The following UBE2K variants were observed in gnomAD, a reference collection of about 807,000 sequenced individuals.
UBE2K encodes the protein ubiquitin conjugating enzyme E2 K.
A neutral mutation model predicts 30.0 loss-of-function variants in UBE2K; 6 were observed. The ratio of observed to expected loss-of-function variants is 0.20; its 90% confidence interval spans 0.11 to 0.39. The LOEUF is 0.39. Among genes scored for constraint, UBE2K ranks in the 10% least tolerant of loss-of-function variants. The probability of loss-of-function intolerance (pLI) is 1.00; values close to 1 mark genes in which losing one functional copy is unlikely to be tolerated. For missense variants in UBE2K, 61 were observed against 241.6 expected (o/e 0.25, Z 4.96); for synonymous variants, 86 against 83.7 (o/e 1.03, Z -0.15).
chr4:39,719,712 T>A (rs996855175), intron 1 of UBE2K, among the ~76,000 whole-genome samples: 13 of 152,186 alleles, frequency 8.5e-5, no homozygotes, highest in African/African-American at 2.9e-4. Context: ...CATACCCAAT[T>A]TTGGGTTGTC....
At chr4:39,768,817 G>C (rs1302910622) in intron 4 of UBE2K, among the ~76,000 whole-genome samples, 3 of 152,058 alleles carry the variant, frequency 2.0e-5, no homozygotes, top group Non-Finnish European at 4.4e-5. Flanking sequence ...TTTTATAGTA[G>C]CCGTTCTAAC....
rs1219669247 is a variant in UBE2K, at chr4:39,770,853, T to G, written c.300-3981T>G. 4 of 1,541,838 alleles carry G rather than the reference T, an allele frequency of 2.6e-6. No homozygotes were observed. The East Asian group carries it at 9.0e-5, about 35-fold the overall frequency. ...TACGTCCTCATCCTCATCCTCTTCC[T>G]CGGCTTTCAGCTCCAAGTCCTCATC... On this transcript the variant is annotated intron_variant, in intron 4 of 6. Coordinates refer to ENST00000261427, the MANE Select transcript of UBE2K (RefSeq NM_005339.5).
At chr4:39,770,225 C>T (rs1267936552) in intron 4 of UBE2K, 5 of 1,611,450 alleles carry the variant, frequency 3.1e-6, no homozygotes, top group Non-Finnish European at 4.2e-6. Flanking sequence ...GGTAGGGCTG[C>T]GCTCCCGAGT....
intron 1 of UBE2K, among the ~76,000 whole-genome samples, chr4:39,700,746 A>G (rs1047386663): frequency 1.3e-5 from 2 of 152,176 alleles, no homozygotes; most frequent in Admixed American, 6.5e-5. Flanking sequence ...TGTGTTTACT[A>G]AGAACACTGG....
intron 2 of UBE2K, among the ~76,000 whole-genome samples, chr4:39,743,465 G>A (rs999099042): frequency 3.3e-4 from 50 of 152,062 alleles, no homozygotes; most frequent in African/African-American, 1.1e-3. Context: ...TTAGTCGGGC[G>A]TGGTGACGGG....
intron 4 of UBE2K, among the ~76,000 whole-genome samples, chr4:39,764,382 G>T (rs1270623711): frequency 1.3e-5 from 2 of 149,556 alleles, no homozygotes; most frequent in African/African-American, 2.4e-5. Flanking sequence ...TGCAGCTCTA[G>T]ATTTTTTTTC....
At chr4:39,763,750 A>G (rs1712128985) in intron 4 of UBE2K, among the ~76,000 whole-genome samples, 1 of 152,096 alleles carries the variant, frequency 6.6e-6, no homozygotes, top group Admixed American at 6.6e-5. Context: ...TTGGATATTT[A>G]TTTTTATTTT....
chr4:39,746,459 T>G (rs185551149), intron 3 of UBE2K, among the ~76,000 whole-genome samples: 9 of 152,368 alleles, frequency 5.9e-5, no homozygotes, highest in African/African-American at 1.9e-4. Context: ...GTTTTGTCTA[T>G]TATTTAATCA....
chr4:39,776,761 A>G (rs1201474416), intron 5 of UBE2K, among the ~76,000 whole-genome samples: 1 of 152,026 alleles, frequency 6.6e-6, no homozygotes, highest in Non-Finnish European at 1.5e-5. Flanking sequence ...GAGTACTTCC[A>G]ATTAGGGTTT....
At chr4:39,722,799 CTTTT>C (rs58965981) in intron 1 of UBE2K, among the ~76,000 whole-genome samples, 1 of 100,118 alleles carries the variant, frequency 1.0e-5, no homozygotes, top group African/African-American at 3.8e-5. Context: ...CTTTTTCTCT[CTTTT>C]TTTTTTTTTT....
chr4:39,775,210 A>T (rs1475043567), intron 5 of UBE2K, among the ~76,000 whole-genome samples: 4 of 152,178 alleles, frequency 2.6e-5, no homozygotes, highest in Non-Finnish European at 5.9e-5. Flanking sequence ...CCTACCATCT[A>T]GATTCTATGA....
chr4:39,782,188 A>G lies in UBE2K; in HGVS notation c.*3754A>G, dbSNP rs1713653184. ...GCTTGGTTATTTCAACCATGCTGCT[A>G]TATATAATCAGGTGTGGCACAGTTT... On this transcript the variant is annotated 3_prime_UTR_variant, in exon 7 of 7. Transcript: ENST00000261427. The G allele has an allele frequency of 5.2e-6, 2 of 380,980 alleles. No individual in the cohort carries two copies. The highest frequency in any genetic ancestry group is 9.3e-6 in the Non-Finnish European group (2 of 214,862). 23.6% of individuals were successfully genotyped at this position (380,980 alleles called of 1,614,324 possible). A position where few individuals can be genotyped will look rare whatever the true frequency, so the allele number is the denominator to read the frequency against.
intron 1 of UBE2K, among the ~76,000 whole-genome samples, chr4:39,715,832 G>A (rs557299375): frequency 4.7e-5 from 6 of 128,554 alleles, no homozygotes; most frequent in South Asian, 2.8e-4. Flanking sequence ...GCACTGTGCC[G>A]GAGGACCCGT....
At position 39,739,838 on chromosome 4, in the gene UBE2K, C is replaced by T. The variant is rs543983076; in HGVS notation, c.157+2325C>T. Among the ~76,000 whole-genome samples, 7 of 152,342 alleles carry T rather than the reference C, an allele frequency of 4.6e-5. No individual in the cohort carries two copies. In the South Asian group the frequency reaches 8.3e-4, roughly 18 times the overall value. On this transcript the variant is annotated intron_variant, in intron 2 of 6. Transcript: ENST00000261427. ...CCCTGGCCTAAAACAATCCTCTTGC[C>T]TTGGTGTCCCAAAGTCTTGGGATTC...
rs1020325740 is a variant in UBE2K at position 39,724,624 on chromosome 4, T to C, written c.64-12796T>C. ...AAAAAAAAAAAATACAAAAATTAGCTAGGCATGGTAAGTGCATGCCTGTAG... is the reference window on the plus strand; with the variant it reads ...AAAAAAAAAAAATACAAAAATTAGCCAGGCATGGTAAGTGCATGCCTGTAG... On this transcript the variant is annotated intron_variant, in intron 1 of 6. Transcript: ENST00000261427. 2.1e-5 allele frequency among the ~76,000 whole-genome samples: 3 copies of C among 144,890 alleles called. No individual in the cohort carries two copies. In the South Asian group the frequency reaches 6.6e-4, roughly 32 times the overall value.
intron 1 of UBE2K, among the ~76,000 whole-genome samples, chr4:39,708,305 C>T (rs1176542446): frequency 2.6e-5 from 4 of 152,064 alleles, no homozygotes; most frequent in African/African-American, 4.8e-5. Context: ...ATATTTAGAA[C>T]AGAAAGGTTG....
chr4:39,770,025 G>A, intron 4 of UBE2K: 1 of 1,409,938 alleles, frequency 7.1e-7, no homozygotes, highest in Non-Finnish European at 9.5e-7. Flanking sequence ...GGGCCAAAGA[G>A]CCCTTTCCCC....
intron 4 of UBE2K, among the ~76,000 whole-genome samples, chr4:39,774,486 C>T (rs1713160640): frequency 6.7e-6 from 1 of 148,554 alleles, no homozygotes; most frequent in Non-Finnish European, 1.5e-5. Context: ...TAAGGCGGGC[C>T]CCTGTAGTCT....
At chr4:39,733,051 GA>G (rs59978380) in intron 1 of UBE2K, among the ~76,000 whole-genome samples, 2,824 of 96,924 alleles carry the variant, frequency 0.029, 77 homozygotes, top group African/African-American at 0.09. Context: ...GGAACATCAG[GA>G]AAAAAAAAAA....
Sources: gnomAD v4.1 joint callset for allele counts (sites outside exome capture counted in the v4.1 genomes callset) on GRCh38, gnomAD v4.1.1 for gene constraint, MANE v1.5 for transcripts, NCBI Gene and HGNC (gene_info 2026-07-23, HGNC 2026-07-21) for gene names.